The following SIN3A variants were observed in gnomAD, a reference collection of about 807,000 sequenced individuals.
The protein encoded by SIN3A is SIN3 transcription regulator family member A.
SIN3A carries 14 observed loss-of-function variants against 146.1 expected under a neutral mutation model. That is an observed-to-expected ratio of 0.10 (90% CI 0.06 to 0.15). The LOEUF (loss-of-function observed/expected upper bound fraction) is 0.15. Among genes scored for constraint, SIN3A ranks in the 10% least tolerant of loss-of-function variants. SIN3A has a pLI of 1.00. For synonymous variants in SIN3A, 572 were observed against 572.0 expected, an observed-to-expected ratio of 1.00 and a Z score of 0.00; for missense variants, 1,028 against 1,576.0, an observed-to-expected ratio of 0.65 and a Z score of 5.89.
chr15:75,407,892 C>CAAAAAAAAAAAAA (rs775913884), intron 8 of SIN3A, among the ~76,000 whole-genome samples: 1 of 24,654 alleles, frequency 4.1e-5, no homozygotes, highest in African/African-American at 2.0e-4. Flanking sequence ...GACTCCATCT[C>CAAAAAAAAAAAAA]AAAAAAAAAA....
At position 75,397,213 on chromosome 15, in the gene SIN3A, G is replaced by A. The variant is rs183168955; in HGVS notation, c.1855-717C>T. Among the ~76,000 whole-genome samples, 232 of 152,214 alleles carry A rather than the reference G, an allele frequency of 1.5e-3. 2 individuals carry two copies. Among genetic ancestry groups the A allele is most frequent in the Non-Finnish European group, 1.8e-3 (122 of 68,002 alleles). On this transcript the variant is annotated intron_variant, in intron 12 of 20. Coordinates refer to ENST00000394947, the MANE Select transcript of SIN3A (RefSeq NM_001145358.2). Reference sequence around the variant, plus strand: ...AATGAAGTAAATGAGCAGTCTCAACGGTCTACAACCAACTGTTTGCAGAAG... The same window carrying A: ...AATGAAGTAAATGAGCAGTCTCAACAGTCTACAACCAACTGTTTGCAGAAG...
intron 1 of SIN3A, among the ~76,000 whole-genome samples, chr15:75,442,932 CAAAAAA>C (rs34555614): frequency 1.2e-5 from 1 of 84,500 alleles, no homozygotes; most frequent in East Asian, 3.5e-4. Context: ...AACTCTGTCT[CAAAAAA>C]AAAAAAAAAA....
intron 8 of SIN3A, among the ~76,000 whole-genome samples, chr15:75,409,562 T>TAA (rs76626567): frequency 1.5e-5 from 2 of 131,992 alleles, no homozygotes; most frequent in African/African-American, 2.8e-5. Context: ...CCGTCTCCAC[T>TAA]AAAAAAAAAA....
At chr15:75,409,699 C>T in intron 8 of SIN3A, 137 bp downstream of exon 8, 1 of 914,532 alleles carries the variant, frequency 1.1e-6, no homozygotes, top group Non-Finnish European at 1.7e-6. Flanking sequence ...TGCACTCCAG[C>T]TTGGGCGACA....
At chr15:75,410,051 G>C in intron 7 of SIN3A, 60 bp from the exon 8 acceptor site, 1 of 1,605,634 alleles carries the variant, frequency 6.2e-7, no homozygotes, top group Non-Finnish European at 8.5e-7. Context: ...TATCATCTAG[G>C]AAAAGTCCCC....
At chr15:75,442,980 C>G (rs1220466994) in intron 1 of SIN3A, among the ~76,000 whole-genome samples, 1 of 149,476 alleles carries the variant, frequency 6.7e-6, no homozygotes, top group Non-Finnish European at 1.5e-5. Flanking sequence ...ATCTAGGGTA[C>G]AGTCACATAT....
intron 1 of SIN3A, among the ~76,000 whole-genome samples, chr15:75,449,687 T>C (rs968242300): frequency 6.6e-6 from 1 of 152,172 alleles, no homozygotes; most frequent in Non-Finnish European, 1.5e-5. Flanking sequence ...AAATAGAAAG[T>C]GGTCTAGATG....
chr15:75,429,270 A>C (rs1207235667), intron 2 of SIN3A, among the ~76,000 whole-genome samples: 1 of 152,088 alleles, frequency 6.6e-6, no homozygotes, highest in Non-Finnish European at 1.5e-5. Flanking sequence ...AAATCATAAA[A>C]ATTAGCCAGG....
intron 12 of SIN3A, among the ~76,000 whole-genome samples, chr15:75,398,321 G>T (rs1408578699): frequency 1.3e-5 from 2 of 152,138 alleles, no homozygotes; most frequent in Non-Finnish European, 2.9e-5. Flanking sequence ...GATATAGGTG[G>T]TATGGGGCCT....
At chr15:75,429,389 CCCCAACAGGGG>C (rs2073977798) in intron 2 of SIN3A, among the ~76,000 whole-genome samples, 1 of 152,040 alleles carries the variant, frequency 6.6e-6, no homozygotes, top group African/African-American at 2.4e-5. Context: ...CACCACTACA[CCCCAACAGGGG>C]CCACAGAGCA....
In SIN3A at chr15:75,413,008, G is replaced by A; in HGVS notation, c.511C>T (p.Leu171=). 6.2e-7 allele frequency: 1 copy of A among 1,614,022 alleles called. No individual in the cohort carries two copies. The highest frequency in any genetic ancestry group is 1.1e-5 in the South Asian group (1 of 91,044). Residue 171 remains leucine, a synonymous_variant, in exon 5 of 21, where the codon CTA becomes TTA. Coordinates refer to ENST00000394947, the MANE Select transcript of SIN3A (RefSeq NM_001145358.2). ...TPGVISRVSQ[L]FKGHPDLIMG... ...ATCAGATCGGGGTGGCCTTTGAATA[G>A]CTGGGACACACGACTAATCACTCCT...
Position 75,380,684 on chromosome 15 carries a change from T to C in SIN3A, c.3328A>G (p.Thr1110Ala), listed in dbSNP as rs1567315354. The change falls in exon 19 of 21, where the codon ACT (threonine) becomes GCT (alanine). Residue 1110 changes from threonine to alanine, a missense_variant. Thr to Ala is a moderately conservative substitution (Grantham distance 58). Around this residue, in one of 9 missense-constraint regions of SIN3A, gnomAD observed 488 missense variants for 690.2 expected, o/e 0.71. Transcript: ENST00000394947. ...TGTTCACGAAGCTCAGGCGAGGTAG[T>C]ATCTGAATTCATGTATCGCTCCACG... ...DYVERYMNSD[T>A]TSPELREHLA... is the part of the protein sequence containing the mutation. The C allele has an allele frequency of 6.2e-7, 1 of 1,613,986 alleles. No individual in the cohort carries two copies. Among genetic ancestry groups the C allele is most frequent in the Non-Finnish European group, 8.5e-7 (1 of 1,179,978 alleles).
chr15:75,389,642 A>T lies in SIN3A; in HGVS notation c.3021+10T>A. On this transcript the variant is annotated intron_variant, in intron 16 of 20. Coordinates refer to ENST00000394947, the MANE Select transcript of SIN3A (RefSeq NM_001145358.2). ...TCCCTTACTCACCCTAGCCTCCTCCATGCCCTCACCTGTCTGACAATGCTC... is the reference window on the plus strand; with the variant it reads ...TCCCTTACTCACCCTAGCCTCCTCCTTGCCCTCACCTGTCTGACAATGCTC... The T allele has an allele frequency of 6.2e-7, 1 of 1,613,868 alleles. No homozygotes were observed. Among genetic ancestry groups the T allele is most frequent in the Non-Finnish European group, 8.5e-7 (1 of 1,179,890 alleles).
chr15:75,438,089 G>A (rs1173755816), intron 1 of SIN3A, among the ~76,000 whole-genome samples: 1 of 152,164 alleles, frequency 6.6e-6, no homozygotes, highest in Non-Finnish European at 1.5e-5. Context: ...AACTGGGCGC[G>A]GTGGTTCACA....
chr15:75,397,132 C>T (rs1271852241), intron 12 of SIN3A, among the ~76,000 whole-genome samples: 8 of 152,146 alleles, frequency 5.3e-5, no homozygotes, highest in Non-Finnish European at 1.2e-4. Flanking sequence ...TCCTGGCAAC[C>T]TTTGAGTCTA....
intron 2 of SIN3A, among the ~76,000 whole-genome samples, chr15:75,426,362 T>C (rs1051551017): frequency 1.3e-5 from 2 of 152,228 alleles, no homozygotes; most frequent in African/African-American, 4.8e-5. Flanking sequence ...GCATTTCCTC[T>C]TCTTTATATT....
intron 18 of SIN3A, chr15:75,381,160 C>A (rs192971649): frequency 1.7e-3 from 312 of 183,202 alleles, no homozygotes; most frequent in African/African-American, 6.9e-3. Context: ...CACACGACCC[C>A]CCCCAACATC....
At chr15:75,411,366 G>T in intron 6 of SIN3A, 126 bp downstream of exon 6, 1 of 1,045,536 alleles carries the variant, frequency 9.6e-7, no homozygotes, top group Non-Finnish European at 1.4e-6. Context: ...TTAAAAACAT[G>T]CATGATAGTT....
intron 3 of SIN3A, chr15:75,419,820 G>T (rs1227470732): frequency 6.6e-6 from 1 of 152,000 alleles, no homozygotes; most frequent in African/African-American, 2.4e-5. Context: ...GTGAGACTCT[G>T]TCTCAAAAAA....
Sources: gnomAD v4.1 joint callset for allele counts (sites outside exome capture counted in the v4.1 genomes callset) on GRCh38, gnomAD v4.1.1 for gene constraint, gnomAD v4.1.1 regional missense constraint, MANE v1.5 for transcripts, NCBI Gene and HGNC (gene_info 2026-07-23, HGNC 2026-07-21) for gene names.